The following NRAP variants were observed in gnomAD, a reference collection of about 807,000 sequenced individuals.
NRAP encodes the protein nebulin-related-anchoring protein.
NRAP carries 189 observed loss-of-function variants against 225.9 expected under a neutral mutation model. The observed-to-expected ratio is 0.84, with a 90% confidence interval of 0.74 to 0.94. The LOEUF (loss-of-function observed/expected upper bound fraction) is 0.94. Among genes scored for constraint, NRAP ranks in the 40% least tolerant of loss-of-function variants. The probability of loss-of-function intolerance (pLI) is 0.00; values close to 1 mark genes in which losing one functional copy is unlikely to be tolerated. For missense variants in NRAP, 2,176 were observed against 2,168.7 expected, an observed-to-expected ratio of 1.00 and a Z score of -0.07; for synonymous variants, 769 against 790.7, an observed-to-expected ratio of 0.97 and a Z score of 0.46.
Position 113,650,080 on chromosome 10 carries a change from G to A in NRAP, c.845C>T (p.Ala282Val). 6.2e-7 allele frequency: 1 copy of A among 1,612,108 alleles called. No individual in the cohort carries two copies. The highest frequency in any genetic ancestry group is 8.5e-7 in the Non-Finnish European group (1 of 1,178,210). Residue 282 changes from alanine (A) to valine (V), a missense_variant, in exon 9 of 42, where the codon GCT (alanine) becomes GTT (valine). Physicochemically the swap from Ala to Val is moderately conservative, Grantham distance 64. Around this residue, in one of 3 missense-constraint regions of NRAP, gnomAD observed 1,708 missense variants for 1,695.5 expected, o/e 1.01. Transcript: ENST00000359988. ...MRGMAGPAIGAEGILTRECAD... is the reference protein window; with the variant it reads ...MRGMAGPAIGVEGILTRECAD... ...ACATTCCCTTGTCAAGATGCCCTCAGCTCCAATGGCTGGACCAGCCATTCC... is the reference window on the plus strand; with the variant it reads ...ACATTCCCTTGTCAAGATGCCCTCAACTCCAATGGCTGGACCAGCCATTCC...
rs1353282201 is a variant in NRAP at position 113,662,851 on chromosome 10, A to G, written c.168-85T>C. The G allele has an allele frequency of 4.9e-6, 3 of 613,284 alleles. No homozygotes were observed. The African/African-American group carries it at 5.8e-5, about 12-fold the overall frequency. The allele number at this position is 613,284 out of a possible 1,614,324, so 38.0% of individuals were successfully genotyped here. ...CTATTCTTAAAATTATTTTTAAATA[A>G]TAACAGTTATTTTTAAAAAATCAAT... On this transcript the variant is annotated intron_variant, in intron 2 of 41. Coordinates refer to ENST00000359988, the MANE Select transcript of NRAP (RefSeq NM_198060.4).
At position 113,646,932 on chromosome 10, in the gene NRAP, G is replaced by A. The variant is rs34652635; in HGVS notation, c.984C>T (p.Leu328=). The change falls in exon 10 of 42, where the codon CTC becomes CTT. Residue 328 remains leucine, a synonymous_variant. Coordinates refer to ENST00000359988, the MANE Select transcript of NRAP (RefSeq NM_198060.4). ...AYQNAKKAHE[L]ASDIKYRQDF... is the part of the protein sequence containing the mutation. ...CCTACATGGTACTTACGTCACTAGC[G>A]AGTTCGTGAGCTTTCTTGGCGTTCT... The A allele has an allele frequency of 0.014, 22,298 of 1,611,590 alleles. 229 individuals are homozygous for A. The highest frequency in any genetic ancestry group is 0.017 in the Non-Finnish European group (20,146 of 1,177,654).
intron 40 of NRAP, among the ~76,000 whole-genome samples, chr10:113,590,101 G>A (rs1476632174): frequency 1.3e-5 from 2 of 152,184 alleles, no homozygotes; most frequent in Admixed American, 6.5e-5. Context: ...CCTTAGGGAA[G>A]CCACTTCCCT....
rs576705381 is a variant in NRAP, at chr10:113,633,592, A to G, written c.1528-404T>C. ...ACACACACAAAAGACAGCCAACCAG[A>G]TATGTGACTCCTGTTGGATGAATAC... On this transcript the variant is annotated intron_variant, in intron 15 of 41. Coordinates refer to ENST00000359988, the MANE Select transcript of NRAP (RefSeq NM_198060.4). Among the ~76,000 whole-genome samples the G allele has an allele frequency of 2.0e-5, 3 of 152,310 alleles. No homozygotes were observed. The South Asian group carries it at 6.2e-4, about 32-fold the overall frequency.
intron 20 of NRAP, among the ~76,000 whole-genome samples, chr10:113,627,388 G>C (rs897826732): frequency 1.2e-4 from 19 of 152,176 alleles, no homozygotes; most frequent in Non-Finnish European, 1.0e-4. Context: ...ATATCCTCCT[G>C]GCCTTGGAGG....
intron 6 of NRAP, among the ~76,000 whole-genome samples, chr10:113,652,384 G>A (rs1421311025): frequency 2.0e-5 from 3 of 152,112 alleles, no homozygotes; most frequent in Non-Finnish European, 4.4e-5. Context: ...GCTCACCCGA[G>A]TAATCCCAGC....
chr10:113,623,413 A>T, intron 23 of NRAP, 116 bp downstream of exon 23: 1 of 589,758 alleles, frequency 1.7e-6, no homozygotes, highest in East Asian at 2.8e-5. Flanking sequence ...TCCATTTTAC[A>T]GATAAGAATC....
At chr10:113,662,013 T>G (rs1011663233) in intron 3 of NRAP, among the ~76,000 whole-genome samples, 4 of 152,240 alleles carry the variant, frequency 2.6e-5, no homozygotes, top group Non-Finnish European at 5.9e-5. Context: ...CATCATTTTA[T>G]GAAACAGTCT....
Position 113,654,063 on chromosome 10 carries a change from G to A in NRAP, c.423C>T (p.Pro141=), listed in dbSNP as rs773492254. The A allele has an allele frequency of 9.9e-6, 16 of 1,613,546 alleles. No individual in the cohort carries two copies. Among genetic ancestry groups the A allele is most frequent in the East Asian group, 4.5e-5 (2 of 44,890 alleles). Residue 141 remains proline, a synonymous_variant, in exon 5 of 42, where the codon CCC becomes CCT. Transcript: ENST00000359988. ...GAGCCTCAACCATCCTTACAATTTCGGGGTCTGGCAGAGCTCCTGGGCACC... is the reference window on the plus strand; with the variant it reads ...GAGCCTCAACCATCCTTACAATTTCAGGGTCTGGCAGAGCTCCTGGGCACC... ...NAWCPGALPD[P]EIVRMVEARK...
intron 38 of NRAP, among the ~76,000 whole-genome samples, chr10:113,593,509 G>C (rs1377275485): frequency 1.3e-5 from 2 of 152,148 alleles, no homozygotes; most frequent in Non-Finnish European, 2.9e-5. Flanking sequence ...CGTAAACCCT[G>C]AGCCAAACGT....
intron 31 of NRAP, among the ~76,000 whole-genome samples, chr10:113,609,591 C>T (rs922085394): frequency 3.9e-5 from 6 of 152,194 alleles, no homozygotes; most frequent in Admixed American, 3.9e-4. Flanking sequence ...ATCACCATTT[C>T]AAGCTTATAG....
rs1410528517 is a variant in NRAP, at chr10:113,655,588, T to A, written c.361-1463A>T. ...CTCCTGCCTCAGCCTCCCGAGAAGCTGGGATTACAGGCATGTACCACCATG... is the reference window on the plus strand; with the variant it reads ...CTCCTGCCTCAGCCTCCCGAGAAGCAGGGATTACAGGCATGTACCACCATG... On this transcript the variant is annotated intron_variant, in intron 4 of 41. Coordinates refer to ENST00000359988, the MANE Select transcript of NRAP (RefSeq NM_198060.4). 4.0e-5 allele frequency among the ~76,000 whole-genome samples: 6 copies of A among 151,812 alleles called. No individual in the cohort carries two copies. In the East Asian group the frequency reaches 1.2e-3, roughly 29 times the overall value.
intron 9 of NRAP, 141 bp downstream of exon 9, chr10:113,649,896 T>A: frequency 1.6e-6 from 1 of 606,110 alleles, no homozygotes. Context: ...CACTACTTTC[T>A]ATCTTGGAAA....
intron 18 of NRAP, 107 bp downstream of exon 18, chr10:113,631,402 G>T: frequency 1.5e-6 from 1 of 657,030 alleles, no homozygotes. Context: ...AGGAGTTGCA[G>T]GTAGAAGTCA....
intron 35 of NRAP, among the ~76,000 whole-genome samples, chr10:113,603,819 C>G (rs1230901878): frequency 6.6e-6 from 1 of 152,188 alleles, no homozygotes; most frequent in East Asian, 1.9e-4. Flanking sequence ...CCTTAAGGCT[C>G]TTGCTCAAAT....
At position 113,588,940 on chromosome 10, in the gene NRAP, C is replaced by T. The variant is rs1249218877; in HGVS notation, c.*35G>A. 3 of 1,550,356 alleles carry T rather than the reference C, an allele frequency of 1.9e-6. No individual in the cohort carries two copies. The South Asian group carries it at 3.4e-5, about 17-fold the overall frequency. On this transcript the variant is annotated 3_prime_UTR_variant, in exon 42 of 42. Transcript: ENST00000359988. Reference sequence around the variant, plus strand: ...AGCCTGTCTCTGGTGAACAAACTTCCTCTCTGGCCTCTCAGGAATCAGGGT... The same window carrying T: ...AGCCTGTCTCTGGTGAACAAACTTCTTCTCTGGCCTCTCAGGAATCAGGGT...
At chr10:113,629,959 T>C (rs1414931816) in intron 18 of NRAP, among the ~76,000 whole-genome samples, 174 bp from the exon 19 acceptor site, 2 of 152,198 alleles carry the variant, frequency 1.3e-5, no homozygotes, top group Non-Finnish European at 2.9e-5. Context: ...GGCAGCATCA[T>C]GAGGGAGCTG....
intron 15 of NRAP, 39 bp from the exon 16 acceptor site, chr10:113,633,227 G>T: frequency 8.4e-7 from 1 of 1,189,098 alleles, no homozygotes; most frequent in African/African-American, 1.5e-5. Context: ...TTTTTATATG[G>T]GCAGAAAGAG....
Position 113,589,776 on chromosome 10 carries a change from T to G in NRAP, c.4978A>C (p.Asn1660His). The G allele has an allele frequency of 6.2e-7, 1 of 1,614,078 alleles. No homozygotes were observed. Among genetic ancestry groups the G allele is most frequent in the Non-Finnish European group, 8.5e-7 (1 of 1,179,992 alleles). The change falls in exon 41 of 42, where the codon AAC becomes CAC. Residue 1660 changes from asparagine (N) to histidine (H), a missense_variant. Around this residue, in one of 3 missense-constraint regions of NRAP, gnomAD observed 445 missense variants for 426.1 expected, o/e 1.04. Coordinates refer to ENST00000359988, the MANE Select transcript of NRAP (RefSeq NM_198060.4). ...QSDVKYKSDL[N>H]LTRGVGWTPP... ...GTCCAGCCAACACCTCTGGTCAGGT[T>G]CAAGTCTGATTTATACTTGACCTTG...
Sources: gnomAD v4.1 joint callset for allele counts (sites outside exome capture counted in the v4.1 genomes callset) on GRCh38, gnomAD v4.1.1 for gene constraint, gnomAD v4.1.1 regional missense constraint, MANE v1.5 for transcripts, NCBI Gene and HGNC (gene_info 2026-07-23, HGNC 2026-07-21) for gene names.